The following GUCY1A1 variants were observed in gnomAD, a reference collection of about 807,000 sequenced individuals.
GUCY1A1 encodes guanylate cyclase soluble subunit alpha-1.
In GUCY1A1, 48 loss-of-function variants were observed where a neutral mutation model predicts 64.5. The observed-to-expected ratio is 0.74, with a 90% CI of 0.59 to 0.95. The LOEUF is 0.95. Among genes scored for constraint, GUCY1A1 ranks in the 40% least tolerant of loss-of-function variants. The pLI is 0.00. For synonymous variants in GUCY1A1, 308 were observed against 303.4 expected (o/e 1.02, Z -0.16); for missense variants, 804 against 825.3 (o/e 0.97, Z 0.32).
chr4:155,717,046 C>T, intron 7 of GUCY1A1, 113 bp from the exon 8 acceptor site: 1 of 734,612 alleles, frequency 1.4e-6, no homozygotes, highest in Non-Finnish European at 2.1e-6. Context: ...CCTGATCCTC[C>T]AGAAGGCCTG....
chr4:155,673,333 A>C (rs568795645), intron 2 of GUCY1A1, among the ~76,000 whole-genome samples: 1 of 151,632 alleles, frequency 6.6e-6, no homozygotes, highest in African/African-American at 2.4e-5. Flanking sequence ...TAAAGTCTGC[A>C]TGAACAAAAC....
intron 7 of GUCY1A1, among the ~76,000 whole-genome samples, chr4:155,714,597 A>G (rs554608461): frequency 1.3e-5 from 2 of 152,326 alleles, no homozygotes; most frequent in East Asian, 3.9e-4. Context: ...TATGGCTTGA[A>G]TCATCTTCTG....
chr4:155,722,318 G>A (rs996577161), intron 9 of GUCY1A1, 126 bp downstream of exon 9: 71 of 1,447,162 alleles, frequency 4.9e-5, no homozygotes, highest in Non-Finnish European at 6.0e-5. Context: ...AAAGAAACGT[G>A]ATAACTTTTA....
chr4:155,678,578 C>T (rs1261465381), intron 2 of GUCY1A1, among the ~76,000 whole-genome samples: 4 of 152,190 alleles, frequency 2.6e-5, no homozygotes, highest in Non-Finnish European at 4.4e-5. Flanking sequence ...GTAGATAAGT[C>T]ACTTGCCTAA....
chr4:155,729,983 T>C (rs1468702019), intron 9 of GUCY1A1, 47 bp from the exon 10 acceptor site: 1 of 1,182,828 alleles, frequency 8.5e-7, no homozygotes. Flanking sequence ...TGTTCTTTTT[T>C]TGAGTGGACA....
At chr4:155,669,448 G>A (rs568321887) in intron 2 of GUCY1A1, among the ~76,000 whole-genome samples, 3 of 151,756 alleles carry the variant, frequency 2.0e-5, no homozygotes, top group South Asian at 4.2e-4. Flanking sequence ...GATTAAAATC[G>A]TTTTCTGTCA....
chr4:155,697,416 A>G (rs1472007423), intron 3 of GUCY1A1, among the ~76,000 whole-genome samples: 1 of 152,190 alleles, frequency 6.6e-6, no homozygotes, highest in Non-Finnish European at 1.5e-5. Flanking sequence ...CTTATCCCTA[A>G]AATGGAAATA....
chr4:155,694,377 T>C (rs999650928), intron 2 of GUCY1A1, among the ~76,000 whole-genome samples: 8 of 152,054 alleles, frequency 5.3e-5, no homozygotes, highest in African/African-American at 1.7e-4. Context: ...ACCTTTTCTC[T>C]ACTAATAATA....
chr4:155,715,976 G>A (rs1467094342), intron 7 of GUCY1A1, among the ~76,000 whole-genome samples: 1 of 152,146 alleles, frequency 6.6e-6, no homozygotes, highest in Non-Finnish European at 1.5e-5. Flanking sequence ...AGGGTGGTAG[G>A]AATCAGCTTT....
At chr4:155,673,118 G>A (rs890224740) in intron 2 of GUCY1A1, among the ~76,000 whole-genome samples, 13 of 151,648 alleles carry the variant, frequency 8.6e-5, no homozygotes, top group Admixed American at 7.2e-4. Flanking sequence ...ACTTTATCTG[G>A]CAATCATAGC....
rs116965039 is a variant in GUCY1A1, at chr4:155,680,588, T to G, written c.-113+13169T>G. On this transcript the variant is annotated intron_variant, in intron 2 of 9. Transcript: ENST00000506455. ...AGTTTTGACTCCTCAAAAACTTAAC[T>G]ACTAATAGCTTACTGGTGACTGGAA... Among the ~76,000 whole-genome samples, 574 of 152,240 alleles carry G rather than the reference T, an allele frequency of 3.8e-3. 11 individuals carry two copies. Among genetic ancestry groups the G allele is most frequent in the East Asian group, 0.024 (122 of 5,184 alleles).
chr4:155,677,486 A>G (rs1735117569), intron 2 of GUCY1A1, among the ~76,000 whole-genome samples: 1 of 152,182 alleles, frequency 6.6e-6, no homozygotes, highest in Non-Finnish European at 1.5e-5. Context: ...GCAGTCCTAG[A>G]TAGTGCAGCC....
At chr4:155,675,605 C>T (rs1179952094) in intron 2 of GUCY1A1, among the ~76,000 whole-genome samples, 1 of 151,554 alleles carries the variant, frequency 6.6e-6, no homozygotes, top group Non-Finnish European at 1.5e-5. Flanking sequence ...TCCCAAATAA[C>T]AATTTAATAC....
At chr4:155,705,770 G>C (rs1731682936) in intron 4 of GUCY1A1, among the ~76,000 whole-genome samples, 1 of 152,114 alleles carries the variant, frequency 6.6e-6, no homozygotes, top group Admixed American at 6.6e-5. Context: ...GATTTTCCTT[G>C]CTGACTAGCT....
chr4:155,710,629 T>A lies in GUCY1A1; in HGVS notation c.464T>A (p.Val155Asp). 6.2e-7 allele frequency: 1 copy of A among 1,613,330 alleles called. No individual in the cohort carries two copies. Among genetic ancestry groups the A allele is most frequent in the Non-Finnish European group, 8.5e-7 (1 of 1,179,324 alleles). The change falls in exon 6 of 10, where the codon GTT (valine) becomes GAT (aspartate). Residue 155 changes from valine to aspartate, a missense_variant. Val to Asp is a radical substitution (Grantham distance 152). Coordinates refer to ENST00000506455, the MANE Select transcript of GUCY1A1 (RefSeq NM_001130682.3). ...GAAGATGAAAACATCCTTGGGGTGG[T>A]TGGAGGCACCCTTAAAGATTTTTTA... ...YEEDENILGV[V>D]GGTLKDFLNS... is the part of the protein sequence containing the mutation.
intron 7 of GUCY1A1, 126 bp from the exon 8 acceptor site, chr4:155,717,033 A>G: frequency 1.6e-6 from 1 of 634,504 alleles, no homozygotes. Flanking sequence ...GTATCTGATT[A>G]ACCCTGATCC....
At chr4:155,689,951 C>G (rs903144351) in intron 2 of GUCY1A1, among the ~76,000 whole-genome samples, 25 of 152,166 alleles carry the variant, frequency 1.6e-4, no homozygotes, top group African/African-American at 6.0e-4. Flanking sequence ...ACAGCTCACA[C>G]TTACATGTAG....
chr4:155,726,308 T>C (rs1010651468), intron 9 of GUCY1A1, among the ~76,000 whole-genome samples: 2 of 151,998 alleles, frequency 1.3e-5, no homozygotes, highest in African/African-American at 4.8e-5. Context: ...ATTCCTTTCT[T>C]TCAGAGATAC....
chr4:155,723,427 T>C (rs1734229603), intron 9 of GUCY1A1, among the ~76,000 whole-genome samples: 1 of 152,120 alleles, frequency 6.6e-6, no homozygotes, highest in African/African-American at 2.4e-5. Context: ...TTATCACTTA[T>C]CCACCTTTAA....
Sources: gnomAD v4.1 joint callset for allele counts (sites outside exome capture counted in the v4.1 genomes callset) on GRCh38, gnomAD v4.1.1 for gene constraint, MANE v1.5 for transcripts, NCBI Gene and HGNC (gene_info 2026-07-23, HGNC 2026-07-21) for gene names.